Variants in SLC22A15 observed in about 807,000 individuals in gnomAD.
SLC22A15 encodes flipt 1.
Under a neutral mutation model 62.7 loss-of-function variants are expected in SLC22A15, and 45 were observed. The ratio of observed to expected loss-of-function variants is 0.72; its 90% CI spans 0.56 to 0.92. The LOEUF is 0.92. Ranked by LOEUF, SLC22A15 falls within the 40% of genes least tolerant of loss-of-function variation. SLC22A15 has a pLI of 0.00. For missense variants in SLC22A15, 622 were observed against 665.6 expected, an observed-to-expected ratio of 0.93 and a Z score of 0.72; for synonymous variants, 264 against 267.0, an observed-to-expected ratio of 0.99 and a Z score of 0.11.
intron 4 of SLC22A15, among the ~76,000 whole-genome samples, chr1:116,021,897 C>T (rs1656856724): frequency 6.6e-6 from 1 of 152,214 alleles, no homozygotes; most frequent in South Asian, 2.1e-4. Flanking sequence ...TTCCACTGTT[C>T]CCCAAAGACT....
chr1:116,055,232 T>G (rs1658169200), intron 8 of SLC22A15, among the ~76,000 whole-genome samples: 1 of 152,002 alleles, frequency 6.6e-6, no homozygotes, highest in Non-Finnish European at 1.5e-5. Flanking sequence ...TATCACCACC[T>G]ATCCCACAGA....
At chr1:116,002,100 A>G (rs1280497139) in intron 2 of SLC22A15, among the ~76,000 whole-genome samples, 2 of 152,222 alleles carry the variant, frequency 1.3e-5, no homozygotes, top group Non-Finnish European at 2.9e-5. Context: ...ACAAACTCGT[A>G]GAGATACAAT....
In SLC22A15 at chr1:115,992,214, A is replaced by G. The variant is rs1238966042; in HGVS notation, c.271A>G (p.Ser91Gly). ...GSEIHKHVHF[S>G]SSFTSIASEW... ...TGAGATCCATAAGCACGTGCATTTCAGCAGCAGCTTCACCTCCATCGCCTC... is the reference window on the plus strand; with the variant it reads ...TGAGATCCATAAGCACGTGCATTTCGGCAGCAGCTTCACCTCCATCGCCTC... Residue 91 changes from serine (S) to glycine (G), a missense_variant, in exon 2 of 12, where the codon AGC becomes GGC. Transcript: ENST00000369503. 2 of 1,601,678 alleles carry G rather than the reference A, an allele frequency of 1.2e-6. No homozygotes were observed. The highest frequency in any genetic ancestry group is 1.7e-6 in the Non-Finnish European group (2 of 1,173,836).
intron 8 of SLC22A15, among the ~76,000 whole-genome samples, chr1:116,056,630 G>T (rs903815540): frequency 1.3e-3 from 192 of 151,706 alleles, no homozygotes; most frequent in African/African-American, 3.5e-3. Flanking sequence ...AAAGCTGGAG[G>T]CATCACGCTA....
Position 115,992,036 on chromosome 1 carries a change from C to G in SLC22A15, c.93C>G (p.Tyr31Ter), listed in dbSNP as rs773129275. 3 of 1,613,012 alleles carry G rather than the reference C, an allele frequency of 1.9e-6. No homozygotes were observed. The African/African-American group carries it at 4.0e-5, about 22-fold the overall frequency. ...CTGTGTGTTTGCTCTTTCAGCTCTA[C>G]GTGGCCACGGAGGCCATCCTCATTG... Reference protein sequence around the residue: ...CFLLAVLLQLYVATEAILIAL... With the variant: ...CFLLAVLLQL Residue 31 changes from tyrosine to a stop codon, truncating the protein, a stop_gained, in exon 2 of 12, where the codon TAC (tyrosine) becomes TAG (stop). Coordinates refer to ENST00000369503, the MANE Select transcript of SLC22A15 (RefSeq NM_018420.3). LOFTEE classifies it high-confidence loss of function.
At chr1:116,025,315 T>A (rs534968083) in intron 4 of SLC22A15, among the ~76,000 whole-genome samples, 1 of 152,208 alleles carries the variant, frequency 6.6e-6, no homozygotes, top group Non-Finnish European at 1.5e-5. Context: ...AGCCAGGTGC[T>A]GTTTGATCTA....
intron 2 of SLC22A15, among the ~76,000 whole-genome samples, chr1:116,010,745 T>A (rs1159326199): frequency 3.9e-5 from 6 of 152,332 alleles, no homozygotes; most frequent in Middle Eastern, 3.4e-3. Context: ...ACTCTCTGAT[T>A]GCGTAGAGCC....
intron 5 of SLC22A15, chr1:116,027,233 G>A: frequency 1.6e-6 from 1 of 639,966 alleles, no homozygotes; most frequent in Non-Finnish European, 2.9e-6. Context: ...CTTGTTTAAA[G>A]TAACCTCTCA....
intron 1 of SLC22A15, among the ~76,000 whole-genome samples, chr1:115,987,742 C>T (rs959169797): frequency 2.0e-5 from 3 of 152,058 alleles, no homozygotes; most frequent in African/African-American, 7.2e-5. Context: ...ATCTTTGATT[C>T]CTCCCCTCCC....
chr1:116,028,523 C>CTTTTTTTTTTTTTT (rs1177157642), intron 5 of SLC22A15, among the ~76,000 whole-genome samples: 1 of 84,072 alleles, frequency 1.2e-5, no homozygotes, highest in Non-Finnish European at 2.2e-5. Context: ...AGCTGTTCTG[C>CTTTTTTTTTTTTTT]TTTTTTTTTT....
In SLC22A15 at chr1:116,069,154, G is replaced by A. The variant is rs1324067394; in HGVS notation, c.*2046G>A. 6.6e-6 allele frequency: 1 copy of A among 150,640 alleles called. No individual in the cohort carries two copies. Among genetic ancestry groups the A allele is most frequent in the Admixed American group, 6.6e-5 (1 of 15,108 alleles). The allele number at this position is 150,640 out of a possible 1,614,324, so 9.3% of individuals were successfully genotyped here. A position where few individuals can be genotyped will look rare whatever the true frequency, so the allele number is the denominator to read the frequency against. ...TTAGCTATGGGGTGGAAGATAGGAG[G>A]GGGAGATCTACAATTTGAATATGTG... On this transcript the variant is annotated 3_prime_UTR_variant, in exon 12 of 12. Transcript: ENST00000369503.
intron 3 of SLC22A15, 46 bp downstream of exon 3, chr1:116,019,760 T>G: frequency 6.4e-7 from 1 of 1,557,746 alleles, no homozygotes; most frequent in Non-Finnish European, 8.7e-7. Context: ...GGCTTATTTC[T>G]CTAAGATTCT....
At chr1:116,061,714 T>A (rs1199748449) in intron 8 of SLC22A15, among the ~76,000 whole-genome samples, 2 of 151,352 alleles carry the variant, frequency 1.3e-5, no homozygotes, top group Non-Finnish European at 2.9e-5. Flanking sequence ...AATTGTAGAA[T>A]CCCAGAAAGT....
At chr1:116,002,097 C>T (rs994078028) in intron 2 of SLC22A15, among the ~76,000 whole-genome samples, 5 of 152,196 alleles carry the variant, frequency 3.3e-5, no homozygotes, top group African/African-American at 4.8e-5. Flanking sequence ...CTTACAAACT[C>T]GTAGAGATAC....
At chr1:115,977,653 A>G (rs1654381988) in intron 1 of SLC22A15, among the ~76,000 whole-genome samples, 1 of 152,240 alleles carries the variant, frequency 6.6e-6, no homozygotes, top group African/African-American at 2.4e-5. Flanking sequence ...GCCATGGTGG[A>G]CAAATCATTG....
At chr1:115,991,799 T>G (rs1261190188) in intron 1 of SLC22A15, among the ~76,000 whole-genome samples, 4 of 152,368 alleles carry the variant, frequency 2.6e-5, no homozygotes, top group Non-Finnish European at 5.9e-5. Flanking sequence ...GAAAAACCTC[T>G]GAAAAAGTAT....
In SLC22A15 at chr1:116,066,683, C is replaced by A. The variant is rs1298059905; in HGVS notation, c.1529C>A (p.Ser510Tyr). Residue 510 changes from serine (S) to tyrosine (Y), a missense_variant, in exon 11 of 12, where the codon TCT (serine) becomes TAT (tyrosine). Physicochemically the swap from Ser to Tyr is moderately radical, Grantham distance 144. Transcript: ENST00000369503. Reference sequence around the variant, plus strand: ...CGCAGGCTGGGAGAAGAAGCATTATCTTTACAGGCTTTGGACCCCCAACAG... The same window carrying A: ...CGCAGGCTGGGAGAAGAAGCATTATATTTACAGGCTTTGGACCCCCAACAG... The part of the protein sequence containing the change: ...SYRRLGEEAL[S>Y]LQALDPQQCV... 6 of 1,612,582 alleles carry A rather than the reference C, an allele frequency of 3.7e-6. No individual in the cohort carries two copies. Among genetic ancestry groups the A allele is most frequent in the Non-Finnish European group, 5.1e-6 (6 of 1,179,446 alleles).
At chr1:115,994,336 C>T (rs752643979) in intron 2 of SLC22A15, among the ~76,000 whole-genome samples, 4 of 152,070 alleles carry the variant, frequency 2.6e-5, no homozygotes, top group Non-Finnish European at 4.4e-5. Flanking sequence ...ATCATTTCCC[C>T]CATTTTACAG....
At chr1:115,999,365 G>A (rs1480842301) in intron 2 of SLC22A15, among the ~76,000 whole-genome samples, 1 of 152,168 alleles carries the variant, frequency 6.6e-6, no homozygotes, top group African/African-American at 2.4e-5. Context: ...CTCCCTGGAT[G>A]ACCTATCTAG....
Sources: allele counts gnomAD v4.1 joint callset (sites outside exome capture counted in the v4.1 genomes callset), GRCh38; gene constraint gnomAD v4.1.1; transcripts MANE v1.5; gene names NCBI Gene and HGNC (gene_info 2026-07-23, HGNC 2026-07-21).